The following TSC22D2 variants were observed in gnomAD, a reference collection of about 807,000 sequenced individuals.
TSC22D2 encodes the protein TSC22 domain family protein 2.
A neutral mutation model predicts 50.1 loss-of-function variants in TSC22D2; 5 were observed. The observed-to-expected ratio is 0.10, with a 90% CI of 0.05 to 0.21. The LOEUF is 0.21. TSC22D2 is among the 10% of genes least tolerant of loss of function. The pLI, the probability that TSC22D2 is intolerant of heterozygous loss-of-function variation, is 1.00. For missense variants in TSC22D2, 1,003 were observed against 1,015.5 expected (o/e 0.99, Z 0.17); for synonymous variants, 501 against 450.1 (o/e 1.11, Z -1.43).
chr3:150,456,846 G>T, intron 1 of TSC22D2: 1 of 488,952 alleles, frequency 2.0e-6, no homozygotes, highest in Non-Finnish European at 3.6e-6. Flanking sequence ...TGTATTACAG[G>T]CAAATTAGAA....
intron 1 of TSC22D2, among the ~76,000 whole-genome samples, chr3:150,441,172 T>G (rs1305282899): frequency 1.3e-5 from 2 of 151,936 alleles, no homozygotes; most frequent in African/African-American, 4.8e-5. Flanking sequence ...ATAAGAATAA[T>G]CATACTTAAT....
chr3:150,410,291 C>T lies in TSC22D2; in HGVS notation c.941C>T (p.Pro314Leu), dbSNP rs758263503. Reference sequence around the variant, plus strand: ...ATGGCAGCCGCGCAGCCCAGCCAGCCCCAGGGAGCGGGGCCCGGGGGACAG... The same window carrying T: ...ATGGCAGCCGCGCAGCCCAGCCAGCTCCAGGGAGCGGGGCCCGGGGGACAG... ...PMMAAAQPSQPQGAGPGGQTL... is the reference protein window; with the variant it reads ...PMMAAAQPSQLQGAGPGGQTL... The change falls in exon 1 of 3, where the codon CCC (proline) becomes CTC (leucine). Residue 314 changes from proline (P) to leucine (L), a missense_variant. By Grantham distance (98) the Pro-to-Leu change is moderately conservative. This residue lies in a region of TSC22D2 where 696 missense variants were observed against 647.8 expected (regional missense o/e 1.07). Coordinates refer to ENST00000688009, the MANE Select transcript of TSC22D2 (RefSeq NM_001303264.2). The T allele has an allele frequency of 2.6e-6, 4 of 1,563,440 alleles. No homozygotes were observed. In the South Asian group the frequency reaches 4.7e-5, roughly 18 times the overall value.
Position 150,410,397 on chromosome 3 carries a change from C to A in TSC22D2, c.1047C>A (p.Pro349=), listed in dbSNP as rs759513545. ...PPQPGPAVGA[P]AAQQPQQFAY... ...AGCCGGGCCCTGCAGTGGGCGCCCC[C>A]GCGGCGCAGCAGCCCCAGCAGTTCG... Residue 349 remains proline (P), a synonymous_variant, in exon 1 of 3, where the codon CCC becomes CCA. Transcript: ENST00000688009. 7.5e-6 allele frequency: 12 copies of A among 1,607,010 alleles called. No homozygotes were observed. In the East Asian group the frequency reaches 2.5e-4, roughly 33 times the overall value.
At chr3:150,421,230 T>C (rs894927522) in intron 1 of TSC22D2, among the ~76,000 whole-genome samples, 1 of 152,222 alleles carries the variant, frequency 6.6e-6, no homozygotes, top group Admixed American at 6.5e-5. Context: ...ACTACCTTCC[T>C]CTTTGAGTCA....
At chr3:150,438,411 G>A (rs1720616889) in intron 1 of TSC22D2, 1 of 189,438 alleles carries the variant, frequency 5.3e-6, no homozygotes, top group Non-Finnish European at 1.2e-5. Flanking sequence ...GTATTGAGAT[G>A]AATATTTATG....
chr3:150,438,877 T>C (rs1270908166), intron 1 of TSC22D2, among the ~76,000 whole-genome samples: 2 of 152,184 alleles, frequency 1.3e-5, no homozygotes. Context: ...GCCAATATCA[T>C]ATGAAAATGA....
In TSC22D2 at chr3:150,410,152, A is replaced by T; in HGVS notation, c.802A>T (p.Ser268Cys). 6.2e-7 allele frequency: 1 copy of T among 1,611,626 alleles called. No individual in the cohort carries two copies. Among genetic ancestry groups the T allele is most frequent in the Non-Finnish European group, 8.5e-7 (1 of 1,179,602 alleles). The change falls in exon 1 of 3, where the codon AGT becomes TGT. Residue 268 changes from serine to cysteine, a missense_variant. Physicochemically the swap from Ser to Cys is moderately radical, Grantham distance 112 (BLOSUM62 -1). This residue lies in a region of TSC22D2 where 696 missense variants were observed against 647.8 expected (regional missense o/e 1.07). Transcript: ENST00000688009. ...CCAGCCCACTCCGGCCCAGCCGCAG[A>T]GTTTTAGCGTTGGGCAGCCACAGCC... is the stretch of plus-strand genomic sequence containing the variant. ...MSQPTPAQPQ[S>C]FSVGQPQPPP...
At chr3:150,432,784 C>T (rs1720421588) in intron 1 of TSC22D2, among the ~76,000 whole-genome samples, 3 of 152,010 alleles carry the variant, frequency 2.0e-5, no homozygotes, top group African/African-American at 7.2e-5. Flanking sequence ...GTTGGGCAAC[C>T]TTTTGGGAAG....
At chr3:150,414,972 C>T (rs912166630) in intron 1 of TSC22D2, among the ~76,000 whole-genome samples, 3 of 148,912 alleles carry the variant, frequency 2.0e-5, no homozygotes, top group Non-Finnish European at 3.0e-5. Flanking sequence ...TATCCTATGC[C>T]TATCTACACG....
At position 150,410,940 on chromosome 3, in the gene TSC22D2, T is replaced by G; in HGVS notation, c.1590T>G (p.Asn530Lys). The G allele has an allele frequency of 6.2e-7, 1 of 1,614,126 alleles. No individual in the cohort carries two copies. The highest frequency in any genetic ancestry group is 8.5e-7 in the Non-Finnish European group (1 of 1,180,026). The change falls in exon 1 of 3, where the codon AAT becomes AAG. Residue 530 changes from asparagine to lysine, a missense_variant. Around this residue, in one of 6 missense-constraint regions of TSC22D2, gnomAD observed 696 missense variants for 647.8 expected, o/e 1.07. Transcript: ENST00000688009. ...CTACCACTTCTGTTACTATGCCAAA[T>G]GTACCCGCGCCTCTGGCCCAGTCGC... ...SVSTTSVTMP[N>K]VPAPLAQSQQ...
intron 1 of TSC22D2, among the ~76,000 whole-genome samples, chr3:150,431,473 G>A (rs189711277): frequency 8.4e-4 from 128 of 152,078 alleles, no homozygotes; most frequent in Middle Eastern, 6.8e-3. Flanking sequence ...GCCAGTATAG[G>A]TTCACCAATT....
Position 150,409,262 on chromosome 3 carries a change from GTCTT to G in TSC22D2, c.-87_-84del, listed in dbSNP as rs560026737. 291 of 1,452,868 alleles carry G rather than the reference GTCTT, an allele frequency of 2.0e-4. 2 individuals carry two copies. In the South Asian group the frequency reaches 2.8e-3, roughly 14 times the overall value. The allele number at this position is 1,452,868 out of a possible 1,614,324, so 90.0% of individuals were successfully genotyped here. ...AGACCCCAGCGCAGACTCGGACTTT[GTCTT>G]TGGGGGCCCGTGCTCTGCCCTCCCC... is the stretch of plus-strand genomic sequence containing the variant. On this transcript the variant is annotated 5_prime_UTR_variant, in exon 1 of 3. Coordinates refer to ENST00000688009, the MANE Select transcript of TSC22D2 (RefSeq NM_001303264.2). This position sits in a 1 kb window ranked among gnomAD's most constrained non-coding sequence, Gnocchi z 7.4.
chr3:150,457,825 G>A (rs1301313236), intron 2 of TSC22D2, among the ~76,000 whole-genome samples: 3 of 152,046 alleles, frequency 2.0e-5, no homozygotes, highest in Middle Eastern at 6.8e-3. Context: ...TAGTAGAGAC[G>A]GGGTTTCACC....
chr3:150,409,957 A>G lies in TSC22D2; in HGVS notation c.607A>G (p.Arg203Gly), dbSNP rs777722807. Reference protein sequence around the residue: ...SVLTRSGDCIRHSSTFDQTAE... With the variant: ...SVLTRSGDCIGHSSTFDQTAE... ...CCTGACTAGATCCGGGGATTGCATT[A>G]GACACAGCAGTACTTTTGACCAGAC... Residue 203 changes from arginine to glycine, a missense_variant, in exon 1 of 3, where the codon AGA becomes GGA. Transcript: ENST00000688009. This position sits in a 1 kb window ranked among gnomAD's most constrained non-coding sequence, Gnocchi z 7.4. 9 of 1,613,966 alleles carry G rather than the reference A, an allele frequency of 5.6e-6. No homozygotes were observed. Among genetic ancestry groups the G allele is most frequent in the Non-Finnish European group, 7.6e-6 (9 of 1,180,022 alleles).
intron 1 of TSC22D2, among the ~76,000 whole-genome samples, chr3:150,446,153 T>C (rs1720881350): frequency 6.6e-6 from 1 of 151,840 alleles, no homozygotes; most frequent in African/African-American, 2.4e-5. Context: ...TTTTAAGCCA[T>C]TTTATTATTC....
rs1719472104 is a variant in TSC22D2, at chr3:150,410,198, G to A, written c.848G>A (p.Gly283Glu). ...QPQPPPPPVG[G>E]AVAQSSAPLP... ...CAGCCGCCGCCGCCACCCGTAGGTG[G>A]GGCTGTGGCTCAAAGCTCGGCTCCG... Residue 283 changes from glycine (G) to glutamate (E), a missense_variant, in exon 1 of 3, where the codon GGG becomes GAG. This residue lies in a region of TSC22D2 where 696 missense variants were observed against 647.8 expected (regional missense o/e 1.07). Coordinates refer to ENST00000688009, the MANE Select transcript of TSC22D2 (RefSeq NM_001303264.2). The A allele has an allele frequency of 1.2e-6, 2 of 1,602,524 alleles. No homozygotes were observed. The highest frequency in any genetic ancestry group is 1.7e-6 in the Non-Finnish European group (2 of 1,174,982).
intron 1 of TSC22D2, among the ~76,000 whole-genome samples, chr3:150,448,551 CATTT>C (rs1313674556): frequency 1.3e-5 from 2 of 152,108 alleles, no homozygotes; most frequent in Non-Finnish European, 2.9e-5. Flanking sequence ...ATTATTATAA[CATTT>C]AAGTATTAAC....
intron 1 of TSC22D2, among the ~76,000 whole-genome samples, chr3:150,416,106 G>C (rs1719786263): frequency 6.6e-6 from 1 of 152,132 alleles, no homozygotes; most frequent in Admixed American, 6.5e-5. Context: ...AATGATAGCA[G>C]ATAATCAAAA....
intron 1 of TSC22D2, among the ~76,000 whole-genome samples, chr3:150,415,415 G>A (rs1229791768): frequency 6.6e-6 from 1 of 152,184 alleles, no homozygotes; most frequent in East Asian, 1.9e-4. Flanking sequence ...CACAACCCCT[G>A]AACTAAATCA....
Sources: allele counts gnomAD v4.1 joint callset (sites outside exome capture counted in the v4.1 genomes callset), GRCh38; gene constraint gnomAD v4.1.1; regional missense constraint gnomAD v4.1.1; non-coding constraint Gnocchi (gnomAD v3.1); transcripts MANE v1.5; gene names NCBI Gene and HGNC (gene_info 2026-07-23, HGNC 2026-07-21).